ZNF30: variants seen among roughly 807,000 people sequenced by gnomAD.
ZNF30 encodes zinc finger protein 30 (KOX 28).
A neutral mutation model predicts 13.2 loss-of-function variants in ZNF30; 15 were observed. That is an observed-to-expected ratio of 1.13 (90% CI 0.76 to 1.75). The LOEUF (loss-of-function observed/expected upper bound fraction) is 1.75, where lower values mean the gene tolerates loss of function less well. Ranked by LOEUF, ZNF30 falls within the 40% of genes most tolerant of loss-of-function variation. The probability of loss-of-function intolerance (pLI) is 0.00; values close to 1 mark genes in which losing one functional copy is unlikely to be tolerated. For missense variants in ZNF30, 726 were observed against 757.0 expected, an observed-to-expected ratio of 0.96 and a Z score of 0.48; for synonymous variants, 223 against 256.6, an observed-to-expected ratio of 0.87 and a Z score of 1.25.
At chr19:34,935,059 C>T (rs1003132713) in intron 4 of ZNF30, among the ~76,000 whole-genome samples, 1 of 152,018 alleles carries the variant, frequency 6.6e-6, no homozygotes, top group African/African-American at 2.4e-5. Flanking sequence ...AAAACCCCGT[C>T]TCTACTAAAA....
rs1445146930 is a variant in ZNF30 at position 34,944,868 on chromosome 19, G to T, written c.*30G>T. 2 of 1,524,508 alleles carry T rather than the reference G, an allele frequency of 1.3e-6. No individual in the cohort carries two copies. The highest frequency in any genetic ancestry group is 1.8e-6 in the Non-Finnish European group (2 of 1,135,158). 94.4% of individuals were successfully genotyped at this position (1,524,508 alleles called of 1,614,324 possible). A position where few individuals can be genotyped will look rare whatever the true frequency, so the allele number is the denominator to read the frequency against. On this transcript the variant is annotated 3_prime_UTR_variant, in exon 5 of 5. Coordinates refer to ENST00000601142, the MANE Select transcript of ZNF30 (RefSeq NM_194325.3). ...CTGAGGAGTGTGGGAAGTGCTTCGTGTGTGGCTCAAACATTGTTGAACATC... is the reference window on the plus strand; with the variant it reads ...CTGAGGAGTGTGGGAAGTGCTTCGTTTGTGGCTCAAACATTGTTGAACATC...
At chr19:34,926,705 G>A, upstream of ZNF30, 1 of 373,754 alleles carries the variant, frequency 2.7e-6, no homozygotes, top group East Asian at 3.8e-5. Flanking sequence ...TTTTTTGTTT[G>A]TTTTTGTTTT....
At chr19:34,939,711 A>T (rs1045529209) in intron 4 of ZNF30, among the ~76,000 whole-genome samples, 2 of 152,226 alleles carry the variant, frequency 1.3e-5, no homozygotes, top group African/African-American at 4.8e-5. Flanking sequence ...CACAGTAAGG[A>T]TACGGAAGGA....
chr19:34,940,210 G>C (rs911664808), intron 4 of ZNF30, among the ~76,000 whole-genome samples: 1 of 152,098 alleles, frequency 6.6e-6, no homozygotes, highest in Admixed American at 6.5e-5. Context: ...ACAGAGATAG[G>C]GGATTTCGTT....
In ZNF30 at chr19:34,943,889, G is replaced by T. The variant is rs201795798; in HGVS notation, c.923G>T (p.Arg308Ile). 78 of 1,614,076 alleles carry T rather than the reference G, an allele frequency of 4.8e-5. No individual in the cohort carries two copies. The African/African-American group carries it at 8.9e-4, about 19-fold the overall frequency. ...STSSPLAKHQRIHTGEKPYEC... is the reference protein window; with the variant it reads ...STSSPLAKHQIIHTGEKPYEC... ...AGCTCACCCCTTGCTAAGCATCAGA[G>T]AATTCATACTGGCGAGAAACCCTAT... The change falls in exon 5 of 5, where the codon AGA (arginine) becomes ATA (isoleucine). Residue 308 changes from arginine (R) to isoleucine (I), a missense_variant. Transcript: ENST00000601142.
chr19:34,927,260 G>GCT (rs945980210), intron 1 of ZNF30, 44 bp downstream of exon 1: 1 of 366,036 alleles, frequency 2.7e-6, no homozygotes, highest in Non-Finnish European at 4.9e-6. Context: ...GCCGGCGAGT[G>GCT]CGGGAGCGGC....
upstream of ZNF30, among the ~76,000 whole-genome samples, chr19:34,924,427 T>G (rs118164981): frequency 2.5e-3 from 378 of 152,256 alleles, 2 homozygotes; most frequent in South Asian, 5.0e-3. Flanking sequence ...GAACATAAAT[T>G]TATCCTCCCA....
At chr19:34,936,915 G>A (rs1369839553) in intron 4 of ZNF30, among the ~76,000 whole-genome samples, 1 of 151,998 alleles carries the variant, frequency 6.6e-6, no homozygotes, top group African/African-American at 2.4e-5. Context: ...AATAAAATTG[G>A]GATTCATTGG....
chr19:34,939,630 T>A (rs890162289), intron 4 of ZNF30, among the ~76,000 whole-genome samples: 5 of 152,066 alleles, frequency 3.3e-5, no homozygotes, highest in African/African-American at 9.7e-5. Context: ...CTAATTTTTT[T>A]AAAAAAAGAC....
In ZNF30 at chr19:34,931,939, A is replaced by C; in HGVS notation, c.106A>C (p.Arg36=). The stretch of plus-strand genomic sequence containing the variant: ...GTGGGAGAGTCTGGACTCTTCCCAG[A>C]GGGGCTTGTACAGAGATGTGATGTT... ...QEWESLDSSQ[R]GLYRDVMLEN... is the part of the protein sequence containing the mutation. The change falls in exon 3 of 5, where the codon AGG becomes CGG. Residue 36 remains arginine, a synonymous_variant. Coordinates refer to ENST00000601142, the MANE Select transcript of ZNF30 (RefSeq NM_194325.3). 6.2e-7 allele frequency: 1 copy of C among 1,613,374 alleles called. No individual in the cohort carries two copies. Among genetic ancestry groups the C allele is most frequent in the Non-Finnish European group, 8.5e-7 (1 of 1,179,762 alleles).
Position 34,945,035 on chromosome 19 carries a change from G to T in ZNF30, c.*197G>T. The T allele has an allele frequency of 1.9e-6, 1 of 539,912 alleles. No individual in the cohort carries two copies. The highest frequency in any genetic ancestry group is 1.9e-5 in the African/African-American group (1 of 53,066). 33.4% of individuals were successfully genotyped at this position (539,912 alleles called of 1,614,324 possible). On this transcript the variant is annotated 3_prime_UTR_variant, in exon 5 of 5. Transcript: ENST00000601142. ...GGTTTGTAATACCAATATTTATACT[G>T]GTGGACCATTCAGAAAAAGTGGGAA...
rs1330201813 is a variant in ZNF30, at chr19:34,926,967, C to G, written c.-314C>G. ...TCAGGACTGCATTTCCCAGAGGCTG[C>G]AGCTATCCGGCCAATGTAGCCTGAA... On this transcript the variant is annotated 5_prime_UTR_variant, in exon 1 of 5. Transcript: ENST00000601142. The G allele has an allele frequency of 5.0e-6, 2 of 398,612 alleles. No homozygotes were observed. 24.7% of individuals were successfully genotyped at this position (398,612 alleles called of 1,614,324 possible). A position where few individuals can be genotyped will look rare whatever the true frequency, so the allele number is the denominator to read the frequency against.
upstream of ZNF30, among the ~76,000 whole-genome samples, chr19:34,924,976 C>T (rs1446480967): frequency 6.6e-6 from 1 of 152,172 alleles, no homozygotes; most frequent in Admixed American, 6.5e-5. Context: ...CAGTCAAATG[C>T]TTTTGATGCG....
At chr19:34,925,923 G>A (rs146309365), upstream of ZNF30, among the ~76,000 whole-genome samples, 1,020 of 152,282 alleles carry the variant, frequency 6.7e-3, 7 homozygotes, top group African/African-American at 0.023. Flanking sequence ...TGTCATCCCA[G>A]CACTTTGGGA....
intron 4 of ZNF30, among the ~76,000 whole-genome samples, chr19:34,939,563 C>G (rs756977430): frequency 3.9e-5 from 6 of 152,146 alleles, no homozygotes; most frequent in Non-Finnish European, 4.4e-5. Flanking sequence ...ATCTACCCTC[C>G]TTGGCTTCCC....
chr19:34,943,926 G>A lies in ZNF30; in HGVS notation c.960G>A (p.Glu320=). ...GCGAGAAACCCTATGAATGTAAGGA[G>A]TGTGGGAAGTCCTTCACTGTGTATG... The part of the protein sequence containing the change: ...HTGEKPYECK[E]CGKSFTVYGQ... The change falls in exon 5 of 5, where the codon GAG becomes GAA. Residue 320 remains glutamate, a synonymous_variant. Coordinates refer to ENST00000601142, the MANE Select transcript of ZNF30 (RefSeq NM_194325.3). 2 of 1,613,898 alleles carry A rather than the reference G, an allele frequency of 1.2e-6. No individual in the cohort carries two copies. Among genetic ancestry groups the A allele is most frequent in the Non-Finnish European group, 1.7e-6 (2 of 1,179,936 alleles).
intron 2 of ZNF30, among the ~76,000 whole-genome samples, chr19:34,931,521 G>C (rs2012451785): frequency 6.6e-6 from 1 of 152,162 alleles, no homozygotes; most frequent in African/African-American, 2.4e-5. Flanking sequence ...AAGTAATATA[G>C]AGACTAATTG....
At chr19:34,926,144 A>C (rs1383683894), upstream of ZNF30, among the ~76,000 whole-genome samples, 1 of 152,160 alleles carries the variant, frequency 6.6e-6, no homozygotes, top group Non-Finnish European at 1.5e-5. Context: ...ACTGCATTCC[A>C]GTCTGAGCGA....
intron 2 of ZNF30, 74 bp from the exon 3 acceptor site, chr19:34,931,769 T>C: frequency 6.9e-7 from 1 of 1,457,440 alleles, no homozygotes; most frequent in Non-Finnish European, 9.3e-7. Context: ...TGTTATGTTA[T>C]TGCTCCCTTA....
Sources: allele counts gnomAD v4.1 joint callset (sites outside exome capture counted in the v4.1 genomes callset), GRCh38; gene constraint gnomAD v4.1.1; transcripts MANE v1.5; gene names NCBI Gene and HGNC (gene_info 2026-07-23, HGNC 2026-07-21).